Variants in AKT2 observed in about 807,000 individuals in gnomAD.
The protein encoded by AKT2 is AKT serine/threonine kinase 2.
Under a neutral mutation model 58.6 loss-of-function variants are expected in AKT2, and 16 were observed. That is an observed-to-expected ratio of 0.27 (90% CI 0.18 to 0.41). The LOEUF (loss-of-function observed/expected upper bound fraction) is 0.41, where lower values mean the gene tolerates loss of function less well. Ranked by LOEUF, AKT2 falls within the 10% of genes least tolerant of loss-of-function variation. The pLI, the probability that AKT2 is intolerant of heterozygous loss-of-function variation, is 1.00. For synonymous variants in AKT2, 253 were observed against 254.0 expected, an observed-to-expected ratio of 1.00 and a Z score of 0.04; for missense variants, 438 against 661.0, an observed-to-expected ratio of 0.66 and a Z score of 3.70.
chr19:40,257,105 T>C, intron 2 of AKT2, 51 bp from the exon 3 acceptor site: 2 of 1,608,476 alleles, frequency 1.2e-6, no homozygotes, highest in Admixed American at 1.7e-5. Flanking sequence ...GGTTGAGTGA[T>C]GTCCCAGGTA....
At chr19:40,276,397 C>T (rs545130345) in intron 1 of AKT2, among the ~76,000 whole-genome samples, 2 of 107,396 alleles carry the variant, frequency 1.9e-5, no homozygotes, top group Admixed American at 1.4e-4. Context: ...GACAGAGTCT[C>T]ACTCTGTCGC....
At chr19:40,253,175 C>A (rs949948957) in intron 4 of AKT2, among the ~76,000 whole-genome samples, 3 of 152,148 alleles carry the variant, frequency 2.0e-5, no homozygotes, top group African/African-American at 7.2e-5. Context: ...TCAGCACAGG[C>A]AATCGGCACA....
intron 1 of AKT2, among the ~76,000 whole-genome samples, chr19:40,267,168 G>A (rs551420901): frequency 1.1e-4 from 17 of 152,012 alleles, no homozygotes; most frequent in African/African-American, 1.9e-4. Flanking sequence ...GATCCCCAAC[G>A]CTGAACCTGT....
In AKT2 at chr19:40,256,984, C is replaced by T; in HGVS notation, c.117G>A (p.Lys39=). ...LKSDGSFIGY[K]ERPEAPDQTL... The stretch of plus-strand genomic sequence containing the variant: ...TCTGATCAGGGGCCTCGGGCCTCTC[C>T]TTGTACCCAATGAAGGAGCCGTCGC... Residue 39 remains lysine, a synonymous_variant, in exon 3 of 14, where the codon AAG becomes AAA. Transcript: ENST00000392038. 1 of 1,614,232 alleles carries T rather than the reference C, an allele frequency of 6.2e-7. No homozygotes were observed. Among genetic ancestry groups the T allele is most frequent in the Non-Finnish European group, 8.5e-7 (1 of 1,180,034 alleles).
At position 40,232,386 on chromosome 19, in the gene AKT2, A is replaced by G. The variant is rs923607856; in HGVS notation, c.*1486T>C. 3.0e-5 allele frequency: 7 copies of G among 233,528 alleles called. No individual in the cohort carries two copies. The highest frequency in any genetic ancestry group is 1.5e-4 in the African/African-American group (7 of 45,258). 14.5% of individuals were successfully genotyped at this position (233,528 alleles called of 1,614,324 possible). On this transcript the variant is annotated 3_prime_UTR_variant, in exon 14 of 14. Coordinates refer to ENST00000392038, the MANE Select transcript of AKT2 (RefSeq NM_001626.6). Reference sequence around the variant, plus strand: ...ACCGTACAAATATGAAGACGAGGAGAAAGGCCAGTAGGGACGGAGAACTGT... The same window carrying G: ...ACCGTACAAATATGAAGACGAGGAGGAAGGCCAGTAGGGACGGAGAACTGT...
chr19:40,281,609 G>A (rs2077425638), intron 1 of AKT2, among the ~76,000 whole-genome samples: 1 of 152,240 alleles, frequency 6.6e-6, no homozygotes, highest in Non-Finnish European at 1.5e-5. Flanking sequence ...CCCGGGAGCT[G>A]CCCTTGTCAG....
Position 40,239,414 on chromosome 19 carries a change from A to G in AKT2, c.640-441T>C, listed in dbSNP as rs1325699215. 3 of 264,960 alleles carry G rather than the reference A, an allele frequency of 1.1e-5. No homozygotes were observed. The East Asian group carries it at 3.0e-4, about 27-fold the overall frequency. 16.4% of individuals were successfully genotyped at this position (264,960 alleles called of 1,614,324 possible). On this transcript the variant is annotated intron_variant, in intron 7 of 13. Transcript: ENST00000392038. ...TCCACTGCACTAAGGAGATCTACAG[A>G]GAGTTCCTCAGAGACTCCCACCAGG...
In AKT2 at chr19:40,238,481, G is replaced by C. The variant is rs1187000399; in HGVS notation, c.709-390C>G. 1.3e-5 allele frequency among the ~76,000 whole-genome samples: 2 copies of C among 152,196 alleles called. No homozygotes were observed. Among genetic ancestry groups the C allele is most frequent in the Non-Finnish European group, 2.9e-5 (2 of 68,050 alleles). On this transcript the variant is annotated intron_variant, in intron 8 of 13. Coordinates refer to ENST00000392038, the MANE Select transcript of AKT2 (RefSeq NM_001626.6). This position sits in a 1 kb window ranked among gnomAD's most constrained non-coding sequence, Gnocchi z 5.1. ...CTGCACAGAGAAGGCGCGAGGCAAGGAGTGGGTGACAAAAGTGAGGCGACT... is the reference window on the plus strand; with the variant it reads ...CTGCACAGAGAAGGCGCGAGGCAAGCAGTGGGTGACAAAAGTGAGGCGACT...
chr19:40,233,409 C>T lies in AKT2; in HGVS notation c.*463G>A. The T allele has an allele frequency of 2.1e-6, 1 of 466,986 alleles. No homozygotes were observed. The allele number at this position is 466,986 out of a possible 1,614,324, so 28.9% of individuals were successfully genotyped here. On this transcript the variant is annotated 3_prime_UTR_variant, in exon 14 of 14. Transcript: ENST00000392038. The surrounding 1 kb of genome is among the most constrained non-coding windows in gnomAD (Gnocchi z 4.3). Reference sequence around the variant, plus strand: ...GGGGATTGGACCGCCCCGTGCCTGGCCACTCCGAGCCTAGGCCACGGGGCC... The same window carrying T: ...GGGGATTGGACCGCCCCGTGCCTGGTCACTCCGAGCCTAGGCCACGGGGCC...
chr19:40,239,172 A>T, intron 7 of AKT2, 199 bp from the exon 8 acceptor site: 1 of 574,242 alleles, frequency 1.7e-6, no homozygotes, highest in East Asian at 2.9e-5. Flanking sequence ...CTGCGGTAGG[A>T]AAGGGTTACA....
At chr19:40,262,803 G>A (rs1301602252) in intron 2 of AKT2, among the ~76,000 whole-genome samples, 1 of 152,212 alleles carries the variant, frequency 6.6e-6, no homozygotes, top group African/African-American at 2.4e-5. Context: ...AGCAGAGACA[G>A]GTGTCTGGCA....
intron 4 of AKT2, chr19:40,243,171 C>A (rs35374456): frequency 1.8e-5 from 3 of 170,110 alleles, no homozygotes; most frequent in African/African-American, 7.1e-5. Flanking sequence ...ATACCAAGAG[C>A]GATCACCAAT....
intron 1 of AKT2, among the ~76,000 whole-genome samples, chr19:40,281,045 T>C (rs2077414446): frequency 6.6e-6 from 1 of 152,142 alleles, no homozygotes; most frequent in South Asian, 2.1e-4. Flanking sequence ...TGAAACCTTT[T>C]CCTCGGCTCC....
intron 2 of AKT2, among the ~76,000 whole-genome samples, chr19:40,263,338 T>G (rs1401546656): frequency 6.6e-6 from 1 of 152,170 alleles, no homozygotes; most frequent in Non-Finnish European, 1.5e-5. Flanking sequence ...ATTTACTGAG[T>G]GCCTACTGTA....
At chr19:40,275,261 C>T (rs1265484143) in intron 1 of AKT2, 1 of 456,736 alleles carries the variant, frequency 2.2e-6, no homozygotes, top group Admixed American at 2.3e-5. Context: ...TTCCTTACCG[C>T]CCCTGATGTG....
Position 40,236,267 on chromosome 19 carries a change from A to T in AKT2, c.950T>A (p.Leu317Gln). 1 of 1,613,740 alleles carries T rather than the reference A, an allele frequency of 6.2e-7. No individual in the cohort carries two copies. The highest frequency in any genetic ancestry group is 1.3e-5 in the African/African-American group (1 of 74,902). The change falls in exon 10 of 14, where the codon CTG (leucine) becomes CAG (glutamine). Residue 317 changes from leucine to glutamine, a missense_variant. This residue lies in a region of AKT2 where 46 missense variants were observed against 114.5 expected (regional missense o/e 0.40). Coordinates refer to ENST00000392038, the MANE Select transcript of AKT2 (RefSeq NM_001626.6). ...ACCAACCCCAGACACCTCAGGCGCC[A>T]GGTACTCCGGGGTCCCACAGAAGGT... ...MKTFCGTPEY[L>Q]APEVLEDNDY...
At position 40,256,914 on chromosome 19, in the gene AKT2, C is replaced by A. The variant is rs1465371595; in HGVS notation, c.175+12G>T. 2 of 1,614,028 alleles carry A rather than the reference C, an allele frequency of 1.2e-6. No homozygotes were observed. The highest frequency in any genetic ancestry group is 1.3e-5 in the African/African-American group (1 of 75,028). ...AGCACCAGAACACTGACCCACTCAT[C>A]CCAAGACACACCTGCTACGGAGAAG... On this transcript the variant is annotated intron_variant, in intron 3 of 13. Transcript: ENST00000392038.
chr19:40,265,437 T>C (rs1976279773), intron 1 of AKT2, 86 bp from the exon 2 acceptor site: 2 of 1,497,314 alleles, frequency 1.3e-6, no homozygotes, highest in Non-Finnish European at 1.8e-6. Context: ...TGAGGCCCTC[T>C]GGCTGTTCTG....
chr19:40,276,263 C>CAACTCAAA (rs2077320511), intron 1 of AKT2, among the ~76,000 whole-genome samples: 6 of 148,730 alleles, frequency 4.0e-5, no homozygotes, highest in Admixed American at 3.4e-4. Flanking sequence ...CACCTCTAGT[C>CAACTCAAA]AACTCAAATC....
Sources: gnomAD v4.1 joint callset for allele counts (sites outside exome capture counted in the v4.1 genomes callset) on GRCh38, gnomAD v4.1.1 for gene constraint, gnomAD v4.1.1 regional missense constraint, Gnocchi (gnomAD v3.1) non-coding constraint, MANE v1.5 for transcripts, NCBI Gene and HGNC (gene_info 2026-07-23, HGNC 2026-07-21) for gene names.